The following PLEC variants were observed in gnomAD, a reference collection of about 807,000 sequenced individuals.
The protein encoded by PLEC is plectin.
PLEC carries 216 observed loss-of-function variants against 392.8 expected under a neutral mutation model. The observed-to-expected ratio is 0.55, with a 90% CI of 0.49 to 0.62. The LOEUF (loss-of-function observed/expected upper bound fraction) is 0.62, where lower values mean the gene tolerates loss of function less well. Among genes scored for constraint, PLEC ranks in the 20% least tolerant of loss-of-function variants. The pLI is 0.00. For synonymous variants in PLEC, 3,621 were observed against 2,980.6 expected (o/e 1.21, Z -7.00); for missense variants, 6,863 against 6,563.4 (o/e 1.05, Z -1.58).
chr8:143,975,077 C>A, upstream of PLEC: 1 of 1,337,360 alleles, frequency 7.5e-7, no homozygotes, highest in South Asian at 1.2e-5. The surrounding 1 kb of genome is among the most constrained non-coding windows in gnomAD (Gnocchi z 9.9). Flanking sequence ...TCCCCCTAGG[C>A]CTCCCCCACC....
upstream of PLEC, chr8:143,939,696 C>G (rs1051273468): frequency 9.6e-6 from 13 of 1,354,472 alleles, no homozygotes; most frequent in Non-Finnish European, 1.2e-5. Context: ...AGGGGAGTGT[C>G]CCGGCGGGAA....
At chr8:143,940,248 C>G (rs1237955561), upstream of PLEC, among the ~76,000 whole-genome samples, 1 of 152,220 alleles carries the variant, frequency 6.6e-6, no homozygotes, top group African/African-American at 2.4e-5. Flanking sequence ...CCTGCGGAGC[C>G]CACCCTGCCC....
rs782651761 is a variant in PLEC at position 143,934,331 on chromosome 8, T to C, written c.1156A>G (p.Ser386Gly). ...GGCCCCACCCACCTCTCAAACTCGC[T>C]GCGGAGCTGCTTCTCCCGCTCCAGG... ...AILEREKQLR[S>G]EFERLECLQR... Residue 386 changes from serine to glycine, a missense_variant, in exon 11 of 32, where the codon AGC (serine) becomes GGC (glycine). Ser to Gly is a moderately conservative substitution (Grantham distance 56). Coordinates refer to ENST00000345136, the MANE Select transcript of PLEC (RefSeq NM_201384.3). 3 of 1,612,330 alleles carry C rather than the reference T, an allele frequency of 1.9e-6. No individual in the cohort carries two copies. The highest frequency in any genetic ancestry group is 1.7e-6 in the Non-Finnish European group (2 of 1,179,912).
At chr8:143,929,621 C>T (rs370508572) in intron 23 of PLEC, 25 bp downstream of exon 23, 7 of 1,608,600 alleles carry the variant, frequency 4.4e-6, no homozygotes, top group Admixed American at 1.7e-5. Context: ...ACCAGCCCAA[C>T]CGCCCCAGCC....
At chr8:143,957,720 C>T (rs773099472), upstream of PLEC, among the ~76,000 whole-genome samples, 3 of 152,328 alleles carry the variant, frequency 2.0e-5, no homozygotes, top group Middle Eastern at 3.4e-3. Flanking sequence ...ACCACACCTG[C>T]GAATGGGATG....
rs781971340 is a variant in PLEC at position 143,924,472 on chromosome 8, C to T, written c.5457G>A (p.Leu1819=). Reference sequence around the variant, plus strand: ...GCTGCCGCGCCGCGTCTTCCTCGGCCAGCTGCCGCTGCCGCTTGGCCTCTT... The same window carrying T: ...GCTGCCGCGCCGCGTCTTCCTCGGCTAGCTGCCGCTGCCGCTTGGCCTCTT... ...LAEEAKRQRQ[L]AEEDAARQRA... is the part of the protein sequence containing the mutation. The change falls in exon 31 of 32, where the codon CTG becomes CTA. Residue 1819 remains leucine (L), a synonymous_variant. Transcript: ENST00000345136. The T allele has an allele frequency of 7.1e-6, 11 of 1,544,442 alleles. No homozygotes were observed. In the African/African-American group the frequency reaches 1.3e-4, roughly 18 times the overall value.
rs552397075 is a variant in PLEC, at chr8:143,920,673, G to A, written c.9148C>T (p.Pro3050Ser). The A allele has an allele frequency of 2.1e-5, 34 of 1,603,508 alleles. No homozygotes were observed. In the East Asian group the frequency reaches 5.8e-4, roughly 27 times the overall value. ...AACAGGGCCACGGCCATGTCGGATG[G>A]CAGCAGGTCTTTCTTCAGGGCATTG... ...IYNALKKDLL[P>S]SDMAVALLEA... Residue 3050 changes from proline to serine, a missense_variant, in exon 32 of 32, where the codon CCA becomes TCA. Physicochemically the swap from Pro to Ser is moderately conservative, Grantham distance 74. Coordinates refer to ENST00000345136, the MANE Select transcript of PLEC (RefSeq NM_201384.3).
chr8:143,922,536 C>T lies in PLEC; in HGVS notation c.7393G>A (p.Glu2465Lys), dbSNP rs782413821. ...LEREKEKLQQ[E>K]AKLLQLKSEE... ...GACTTGAGCTGCAGCAGTTTGGCCT[C>T]CTGTTGGAGCTTCTCCTTCTCACGC... The change falls in exon 31 of 32, where the codon GAG becomes AAG. Residue 2465 changes from glutamate to lysine, a missense_variant. Physicochemically the swap from Glu to Lys is moderately conservative, Grantham distance 56. Coordinates refer to ENST00000345136, the MANE Select transcript of PLEC (RefSeq NM_201384.3). 52 of 1,612,102 alleles carry T rather than the reference C, an allele frequency of 3.2e-5. No individual in the cohort carries two copies. The highest frequency in any genetic ancestry group is 4.2e-5 in the Non-Finnish European group (50 of 1,180,024).
intron 3 of PLEC, chr8:143,937,541 C>T (rs1325763485): frequency 1.3e-5 from 7 of 523,814 alleles, no homozygotes; most frequent in Non-Finnish European, 2.5e-5. Context: ...GGGGGGTCCT[C>T]CTGCCTGGCG....
Position 143,932,386 on chromosome 8 carries a change from G to A in PLEC, c.1977+14C>T, listed in dbSNP as rs367918921. 1 of 1,612,486 alleles carries A rather than the reference G, an allele frequency of 6.2e-7. No individual in the cohort carries two copies. Among genetic ancestry groups the A allele is most frequent in the Non-Finnish European group, 8.5e-7 (1 of 1,179,922 alleles). ...GGGGGCTGTGGGGTTCAGGGCAGCTGGGCCACCGCTCACCGAGTAGCTCTC... is the reference window on the plus strand; with the variant it reads ...GGGGGCTGTGGGGTTCAGGGCAGCTAGGCCACCGCTCACCGAGTAGCTCTC... On this transcript the variant is annotated intron_variant, in intron 16 of 31. Transcript: ENST00000345136.
intron 30 of PLEC, 95 bp from the exon 31 acceptor site, chr8:143,925,979 C>T (rs1458887432): frequency 8.2e-6 from 11 of 1,343,764 alleles, no homozygotes; most frequent in South Asian, 2.5e-5. Context: ...ACTCAGACAG[C>T]GCGGAGCAGG....
intron 1 of PLEC, among the ~76,000 whole-genome samples, chr8:143,945,916 G>C (rs1831397871): frequency 6.6e-6 from 1 of 152,274 alleles, no homozygotes; most frequent in African/African-American, 2.4e-5. Flanking sequence ...GCGGGCCCAG[G>C]CAGCCCTGAG....
At chr8:143,972,288 G>A (rs1284405226) in intron 1 of PLEC, among the ~76,000 whole-genome samples, 2 of 152,224 alleles carry the variant, frequency 1.3e-5, no homozygotes, top group Non-Finnish European at 2.9e-5. Context: ...CAGGCTGCCC[G>A]CTCCAGGCCT....
At chr8:143,953,931 G>C (rs1832444548), upstream of PLEC, 1 of 1,403,310 alleles carries the variant, frequency 7.1e-7, no homozygotes. Context: ...GCGCCGGACA[G>C]GGCCGCCCCG....
rs782758062 is a variant in PLEC at position 143,923,581 on chromosome 8, C to T, written c.6348G>A (p.Arg2116=). ...CCTGCTCCTCTGCCGACTGCTTCAG[C>T]CGCTCGGCCTCTTCCACCTGCCGCC... is the stretch of plus-strand genomic sequence containing the variant. ...QSRRQVEEAE[R]LKQSAEEQAQ... The change falls in exon 31 of 32, where the codon CGG becomes CGA. Residue 2116 remains arginine, a synonymous_variant. Coordinates refer to ENST00000345136, the MANE Select transcript of PLEC (RefSeq NM_201384.3). The T allele has an allele frequency of 2.5e-6, 4 of 1,595,992 alleles. No individual in the cohort carries two copies. Among genetic ancestry groups the T allele is most frequent in the Non-Finnish European group, 3.4e-6 (4 of 1,177,730 alleles).
intron 1 of PLEC, among the ~76,000 whole-genome samples, chr8:143,967,317 C>T (rs1025381056): frequency 3.0e-5 from 4 of 134,678 alleles, no homozygotes; most frequent in Non-Finnish European, 4.6e-5. Flanking sequence ...GAGCCGAGAT[C>T]GCGCCACTGC....
chr8:143,930,407 C>T lies in PLEC; in HGVS notation c.2434G>A (p.Val812Met), dbSNP rs372398638. The T allele has an allele frequency of 4.3e-5, 68 of 1,572,712 alleles. No individual in the cohort carries two copies. Among genetic ancestry groups the T allele is most frequent in the South Asian group, 6.9e-5 (6 of 86,830 alleles). The change falls in exon 20 of 32, where the codon GTG becomes ATG. Residue 812 changes from valine to methionine, a missense_variant. Transcript: ENST00000345136. ...PMRGRLPLLAVCDYKQVEVTV... is the reference protein window; with the variant it reads ...PMRGRLPLLAMCDYKQVEVTV... Reference sequence around the variant, plus strand: ...ACCTCCACCTGCTTATAGTCGCACACGGCCAGCAGGGGCAGGCGGCCCCGC... The same window carrying T: ...ACCTCCACCTGCTTATAGTCGCACATGGCCAGCAGGGGCAGGCGGCCCCGC...
At position 143,934,280 on chromosome 8, in the gene PLEC, C is replaced by T. The variant is rs572838792; in HGVS notation, c.1169+38G>A. On this transcript the variant is annotated intron_variant, in intron 11 of 31. Coordinates refer to ENST00000345136, the MANE Select transcript of PLEC (RefSeq NM_201384.3). ...TTTCCTTCCCAGGCAGTGACACACC[C>T]TCGGGTGGTTCCCCTGCCACCACAG... is the stretch of plus-strand genomic sequence containing the variant. 1.6e-5 allele frequency: 25 copies of T among 1,609,966 alleles called. 1 individual carries two copies. The South Asian group carries it at 2.7e-4, about 18-fold the overall frequency.
At chr8:143,934,986 C>G in intron 8 of PLEC, 25 bp downstream of exon 8, 1 of 1,611,594 alleles carries the variant, frequency 6.2e-7, no homozygotes, top group South Asian at 1.1e-5. Flanking sequence ...GCCCAAGCCC[C>G]CTGCCCTCCG....
Sources: gnomAD v4.1 joint callset for allele counts (sites outside exome capture counted in the v4.1 genomes callset) on GRCh38, gnomAD v4.1.1 for gene constraint, Gnocchi (gnomAD v3.1) non-coding constraint, MANE v1.5 for transcripts, NCBI Gene and HGNC (gene_info 2026-07-23, HGNC 2026-07-21) for gene names.